DIS3L2: variants seen among roughly 807,000 people sequenced by gnomAD.
The protein encoded by DIS3L2 is DIS3-like exonuclease 2.
Under a neutral mutation model 97.5 loss-of-function variants are expected in DIS3L2, and 34 were observed. The ratio of observed to expected loss-of-function variants is 0.35; its 90% CI spans 0.27 to 0.46. The LOEUF is 0.46. DIS3L2 is among the 20% of genes least tolerant of loss of function. The pLI is 1.00. For synonymous variants in DIS3L2, 435 were observed against 445.2 expected (o/e 0.98, Z 0.29); for missense variants, 1,038 against 1,146.0 (o/e 0.91, Z 1.36).
At chr2:232,114,434 A>G (rs550017201) in intron 6 of DIS3L2, among the ~76,000 whole-genome samples, 2 of 152,050 alleles carry the variant, frequency 1.3e-5, no homozygotes, top group Non-Finnish European at 2.9e-5. Flanking sequence ...CTTTAGTGAA[A>G]AAAATAAAAA....
intron 1 of DIS3L2, among the ~76,000 whole-genome samples, chr2:232,009,588 T>C (rs1200588336): frequency 6.6e-6 from 1 of 152,224 alleles, no homozygotes; most frequent in African/African-American, 2.4e-5. Flanking sequence ...CTTCCCTTTG[T>C]CATTGGTTTT....
intron 13 of DIS3L2, among the ~76,000 whole-genome samples, chr2:232,298,573 G>A (rs1279207485): frequency 6.6e-6 from 1 of 151,968 alleles, no homozygotes; most frequent in Non-Finnish European, 1.5e-5. Context: ...GTTTTCATCT[G>A]GGTCAGTTAG....
At chr2:232,340,869 C>A (rs1294956027), downstream of DIS3L2, 1 of 471,258 alleles carries the variant, frequency 2.1e-6, no homozygotes, top group Admixed American at 2.3e-5. Flanking sequence ...CCAGGGATTG[C>A]CCTTCGTGGA....
chr2:232,229,282 T>C (rs990331505), intron 10 of DIS3L2, among the ~76,000 whole-genome samples: 3 of 152,184 alleles, frequency 2.0e-5, no homozygotes, highest in Non-Finnish European at 4.4e-5. Flanking sequence ...GTATCCCTCA[T>C]TCCACAGCCA....
intron 1 of DIS3L2, among the ~76,000 whole-genome samples, chr2:231,996,678 A>C (rs534923798): frequency 1.3e-5 from 2 of 152,302 alleles, no homozygotes; most frequent in South Asian, 4.1e-4. Flanking sequence ...GACATCATTT[A>C]TGTACATATC....
chr2:232,333,899 G>T lies in DIS3L2; in HGVS notation c.2070G>T (p.Ala690=). 2 of 1,612,848 alleles carry T rather than the reference G, an allele frequency of 1.2e-6. No individual in the cohort carries two copies. The highest frequency in any genetic ancestry group is 1.7e-6 in the Non-Finnish European group (2 of 1,179,910). Residue 690 remains alanine, a synonymous_variant, in exon 17 of 21, where the codon GCG becomes GCT. Coordinates refer to ENST00000325385, the MANE Select transcript of DIS3L2 (RefSeq NM_152383.5). ...ACCCAGCGCAGTTCCGGCACTACGC[G>T]CTCAATGTGCCCCTGTACACACACT... ...LQDPAQFRHY[A]LNVPLYTHFT...
At chr2:232,127,761 T>C (rs141623304) in intron 6 of DIS3L2, among the ~76,000 whole-genome samples, 129 of 152,300 alleles carry the variant, frequency 8.5e-4, no homozygotes, top group African/African-American at 2.7e-3. Flanking sequence ...TGGTCCTTGA[T>C]TGTGTGAAGA....
chr2:232,089,528 G>A (rs1324645301), intron 6 of DIS3L2, among the ~76,000 whole-genome samples: 1 of 152,212 alleles, frequency 6.6e-6, no homozygotes, highest in Non-Finnish European at 1.5e-5. Context: ...TATTTTCAGT[G>A]AGAAGAGTGG....
At chr2:232,072,714 A>T (rs1211359035) in intron 5 of DIS3L2, among the ~76,000 whole-genome samples, 1 of 151,894 alleles carries the variant, frequency 6.6e-6, no homozygotes, top group African/African-American at 2.4e-5. Context: ...GATGGAGATG[A>T]TGGAGACTAA....
At chr2:232,229,306 C>A (rs1211129954) in intron 10 of DIS3L2, among the ~76,000 whole-genome samples, 2 of 152,196 alleles carry the variant, frequency 1.3e-5, no homozygotes, top group East Asian at 3.8e-4. Flanking sequence ...CTGCTCCATT[C>A]CCAACCCACC....
intron 1 of DIS3L2, among the ~76,000 whole-genome samples, chr2:231,994,043 T>A (rs559340190): frequency 2.6e-5 from 4 of 151,970 alleles, no homozygotes; most frequent in African/African-American, 9.6e-5. Flanking sequence ...TTAATTTTTA[T>A]ATATGGTCTG....
At chr2:232,182,189 G>A (rs945971779) in intron 9 of DIS3L2, among the ~76,000 whole-genome samples, 5 of 151,806 alleles carry the variant, frequency 3.3e-5, no homozygotes, top group Admixed American at 6.6e-5. Flanking sequence ...CTTCTTTGAC[G>A]TATTTTTTAT....
In DIS3L2 at chr2:232,005,170, ATT is replaced by A. The variant is rs55757645; in HGVS notation, c.-93-9645_-93-9644del. Among the ~76,000 whole-genome samples the A allele has an allele frequency of 8.0e-4, 101 of 126,512 alleles. No homozygotes were observed. In the East Asian group the frequency reaches 8.4e-3, roughly 10 times the overall value. The allele number at this position is 126,512 out of a possible 152,430, so 83.0% of individuals were successfully genotyped here. A position where few individuals can be genotyped will look rare whatever the true frequency, so the allele number is the denominator to read the frequency against. ...TGTTAAATTCCTTTGAAGAATCTTG[ATT>A]TTTTTTTTTTTTTTTTTTTATTTCA... is the stretch of plus-strand genomic sequence containing the variant. On this transcript the variant is annotated intron_variant, in intron 1 of 20. Transcript: ENST00000325385.
chr2:232,263,755 T>A (rs1217708929), intron 13 of DIS3L2, among the ~76,000 whole-genome samples: 5 of 152,206 alleles, frequency 3.3e-5, no homozygotes, highest in Non-Finnish European at 2.9e-5. Context: ...GGTAAGGCTG[T>A]GTCCAGTCTG....
At chr2:232,093,094 A>G (rs555541798) in intron 6 of DIS3L2, among the ~76,000 whole-genome samples, 12 of 152,258 alleles carry the variant, frequency 7.9e-5, no homozygotes, top group African/African-American at 2.4e-4. Context: ...GGTTTTTATT[A>G]TGAATGGATG....
At chr2:232,161,744 T>A (rs987649311) in intron 8 of DIS3L2, among the ~76,000 whole-genome samples, 5 of 151,968 alleles carry the variant, frequency 3.3e-5, no homozygotes, top group African/African-American at 9.7e-5. Context: ...GTGATGGGAT[T>A]ACAGATGTGA....
At chr2:232,181,295 G>C (rs1013125654) in intron 9 of DIS3L2, among the ~76,000 whole-genome samples, 1 of 151,924 alleles carries the variant, frequency 6.6e-6, no homozygotes, top group Non-Finnish European at 1.5e-5. Context: ...GTGTCTTGGA[G>C]TTGCTCTTCT....
intron 1 of DIS3L2, among the ~76,000 whole-genome samples, chr2:231,974,275 C>G (rs1370566199): frequency 6.6e-6 from 1 of 152,056 alleles, no homozygotes; most frequent in Non-Finnish European, 1.5e-5. Flanking sequence ...CAGAAGGACA[C>G]CTCCCTAGGG....
intron 12 of DIS3L2, among the ~76,000 whole-genome samples, chr2:232,258,598 CAAAAAAAAAAAA>C (rs35525137): frequency 2.7e-5 from 2 of 74,644 alleles, no homozygotes; most frequent in African/African-American, 9.4e-5. Context: ...GACTCTGTCT[CAAAAAAAAAAAA>C]AAAAAAAAAA....
Sources: allele counts gnomAD v4.1 joint callset (sites outside exome capture counted in the v4.1 genomes callset), GRCh38; gene constraint gnomAD v4.1.1; transcripts MANE v1.5; gene names NCBI Gene and HGNC (gene_info 2026-07-23, HGNC 2026-07-21).